Variants in FHIT observed in about 807,000 individuals in gnomAD.
The protein encoded by FHIT is fragile histidine triad diadenosine triphosphatase.
A neutral mutation model predicts 17.9 loss-of-function variants in FHIT; 19 were observed. The observed-to-expected ratio is 1.06, with a 90% CI of 0.74 to 1.56. The LOEUF is 1.56. Ranked by LOEUF, FHIT falls within the 40% of genes most tolerant of loss-of-function variation. FHIT has a pLI of 0.00. For missense variants in FHIT, 248 were observed against 189.2 expected (o/e 1.31, Z -1.82); for synonymous variants, 81 against 69.7 (o/e 1.16, Z -0.81).
At chr3:59,864,707 C>G (rs1288310822) in intron 8 of FHIT, among the ~76,000 whole-genome samples, 1 of 151,610 alleles carries the variant, frequency 6.6e-6, no homozygotes, top group African/African-American at 2.4e-5. Context: ...ATGCATTACC[C>G]TCTCTCTGCA....
intron 4 of FHIT, among the ~76,000 whole-genome samples, chr3:60,605,539 A>C (rs1448730230): frequency 6.6e-6 from 1 of 152,154 alleles, no homozygotes; most frequent in African/African-American, 2.4e-5. Context: ...ATTTATTTAT[A>C]TTTCAATGTA....
intron 3 of FHIT, among the ~76,000 whole-genome samples, chr3:60,980,350 A>G (rs1710441335): frequency 6.6e-6 from 1 of 152,238 alleles, no homozygotes; most frequent in Non-Finnish European, 1.5e-5. Flanking sequence ...TGAAGCAACA[A>G]TATAAGGAAT....
intron 3 of FHIT, among the ~76,000 whole-genome samples, chr3:60,839,029 G>A (rs1553744374): frequency 6.6e-6 from 1 of 152,062 alleles, no homozygotes; most frequent in East Asian, 1.9e-4. Flanking sequence ...ATGCCTGGCT[G>A]AGGTATAGAA....
At chr3:60,251,394 C>A (rs1044107259) in intron 5 of FHIT, among the ~76,000 whole-genome samples, 1 of 152,072 alleles carries the variant, frequency 6.6e-6, no homozygotes, top group African/African-American at 2.4e-5. Flanking sequence ...TATGCAAGCA[C>A]CCAACCACCC....
intron 8 of FHIT, among the ~76,000 whole-genome samples, chr3:59,770,579 C>A (rs1389849832): frequency 6.6e-5 from 10 of 152,186 alleles, no homozygotes; most frequent in Admixed American, 5.2e-4. Flanking sequence ...TTAGAGCCCT[C>A]AGGAGGAACA....
intron 5 of FHIT, among the ~76,000 whole-genome samples, chr3:60,385,609 T>G (rs893610767): frequency 3.9e-5 from 6 of 152,200 alleles, no homozygotes; most frequent in African/African-American, 1.4e-4. Context: ...AAACAGGATC[T>G]CACTTTGTCA....
intron 4 of FHIT, among the ~76,000 whole-genome samples, chr3:60,619,041 T>C (rs2039037061): frequency 1.3e-5 from 2 of 148,796 alleles, no homozygotes; most frequent in South Asian, 4.1e-4. Context: ...GGATGATAAA[T>C]TTGTGTTGTT....
chr3:60,664,913 GTTCT>G lies in FHIT; in HGVS notation c.-17-127938_-17-127935del, dbSNP rs1258858889. Among the ~76,000 whole-genome samples, 7 of 151,766 alleles carry G rather than the reference GTTCT, an allele frequency of 4.6e-5. No homozygotes were observed. The East Asian group carries it at 1.3e-3, about 29-fold the overall frequency. ...TTGTATTAATTTTTTAGAAGAACCT[GTTCT>G]TTGTCTCATTGACTACCTTTTTCTT... On this transcript the variant is annotated intron_variant, in intron 4 of 9. Transcript: ENST00000492590.
intron 4 of FHIT, 31 bp downstream of exon 4, chr3:60,821,888 T>C (rs1193819237): frequency 1.3e-5 from 2 of 151,970 alleles, no homozygotes; most frequent in African/African-American, 2.4e-5. Flanking sequence ...TCAAACTCTT[T>C]GAAAAAAAAA....
At chr3:59,973,241 C>A (rs1047921359) in intron 7 of FHIT, among the ~76,000 whole-genome samples, 2 of 152,152 alleles carry the variant, frequency 1.3e-5, no homozygotes, top group African/African-American at 4.8e-5. Flanking sequence ...TCTTGAAACA[C>A]AATTCTGATT....
At chr3:60,865,361 C>T (rs1420629896) in intron 3 of FHIT, among the ~76,000 whole-genome samples, 2 of 152,198 alleles carry the variant, frequency 1.3e-5, no homozygotes, top group African/African-American at 2.4e-5. Flanking sequence ...TATGAGGCCA[C>T]TGGCCACTGT....
chr3:59,825,626 A>G (rs1700950530), intron 8 of FHIT, among the ~76,000 whole-genome samples: 1 of 152,232 alleles, frequency 6.6e-6, no homozygotes, highest in Non-Finnish European at 1.5e-5. Flanking sequence ...TGTCTAAGGC[A>G]CAGACAGTTT....
At chr3:60,002,112 C>G (rs1339447492) in intron 7 of FHIT, among the ~76,000 whole-genome samples, 1 of 152,110 alleles carries the variant, frequency 6.6e-6, no homozygotes, top group African/African-American at 2.4e-5. Flanking sequence ...CCACCCTAGG[C>G]AGGGTCAACA....
rs1260460720 is a variant in FHIT, at chr3:60,098,110, T to C, written c.104-83958A>G. 2.7e-5 allele frequency among the ~76,000 whole-genome samples: 4 copies of C among 147,692 alleles called. No homozygotes were observed. The East Asian group carries it at 6.2e-4, about 23-fold the overall frequency. On this transcript the variant is annotated intron_variant, in intron 5 of 9. Coordinates refer to ENST00000492590, the MANE Select transcript of FHIT (RefSeq NM_002012.4). Reference sequence around the variant, plus strand: ...TGTGCCACGTTTTCTTAATCCAGTCTATCCTTGTTGGACATTTGGGTTGGT... The same window carrying C: ...TGTGCCACGTTTTCTTAATCCAGTCCATCCTTGTTGGACATTTGGGTTGGT...
At chr3:59,906,843 G>A (rs1704606271) in intron 8 of FHIT, among the ~76,000 whole-genome samples, 2 of 152,204 alleles carry the variant, frequency 1.3e-5, no homozygotes. Context: ...ATAGTAGGGA[G>A]CTCACATTCC....
At chr3:61,025,326 CAGTAG>C (rs1381221246) in intron 3 of FHIT, among the ~76,000 whole-genome samples, 5 of 152,262 alleles carry the variant, frequency 3.3e-5, no homozygotes, top group South Asian at 2.1e-4. Context: ...ATTGTTGCTG[CAGTAG>C]AGTAAAGGCC....
Position 61,048,982 on chromosome 3 carries a change from G to T in FHIT, c.-163-6883C>A, listed in dbSNP as rs551894084. 2.4e-4 allele frequency among the ~76,000 whole-genome samples: 36 copies of T among 152,074 alleles called. 2 individuals are homozygous for T. In the South Asian group the frequency reaches 7.3e-3, roughly 31 times the overall value. ...ACACACCAGGGCCTGTTGTGGGGTTGGGGGAGTGGGGAGGGATACCATTAG... is the reference window on the plus strand; with the variant it reads ...ACACACCAGGGCCTGTTGTGGGGTTTGGGGAGTGGGGAGGGATACCATTAG... On this transcript the variant is annotated intron_variant, in intron 2 of 9. Transcript: ENST00000492590.
At chr3:60,134,534 GAC>G (rs1699732130) in intron 5 of FHIT, among the ~76,000 whole-genome samples, 2 of 152,278 alleles carry the variant, frequency 1.3e-5, no homozygotes, top group South Asian at 2.1e-4. Flanking sequence ...GATTGTGAAT[GAC>G]ACACAACATG....
At chr3:60,930,346 A>G (rs1707882984) in intron 3 of FHIT, among the ~76,000 whole-genome samples, 1 of 152,222 alleles carries the variant, frequency 6.6e-6, no homozygotes, top group South Asian at 2.1e-4. Flanking sequence ...CAATGGTAAC[A>G]AAAGACAAAA....
Sources: gnomAD v4.1 joint callset for allele counts (sites outside exome capture counted in the v4.1 genomes callset) on GRCh38, gnomAD v4.1.1 for gene constraint, MANE v1.5 for transcripts, NCBI Gene and HGNC (gene_info 2026-07-23, HGNC 2026-07-21) for gene names.